The following WASHC4 variants were observed in gnomAD, a reference collection of about 807,000 sequenced individuals.
WASHC4 encodes WASH complex subunit 7.
In WASHC4, 86 loss-of-function variants were observed where a neutral mutation model predicts 166.6. The ratio of observed to expected loss-of-function variants is 0.52; its 90% CI spans 0.43 to 0.62. The LOEUF (loss-of-function observed/expected upper bound fraction) is 0.62, where lower values mean the gene tolerates loss of function less well. Among genes scored for constraint, WASHC4 ranks in the 20% least tolerant of loss-of-function variants. WASHC4 has a pLI of 0.00. For missense variants in WASHC4, 1,262 were observed against 1,382.4 expected (o/e 0.91, Z 1.38); for synonymous variants, 446 against 451.6 (o/e 0.99, Z 0.16).
At chr12:105,159,142 A>G (rs1243122618) in intron 28 of WASHC4, among the ~76,000 whole-genome samples, 3 of 152,244 alleles carry the variant, frequency 2.0e-5, no homozygotes, top group African/African-American at 7.2e-5. Context: ...CTCAAAGGAA[A>G]GGATCAGACC....
At chr12:105,119,878 A>G (rs1297945254) in intron 7 of WASHC4, among the ~76,000 whole-genome samples, 1 of 152,200 alleles carries the variant, frequency 6.6e-6, no homozygotes, top group Non-Finnish European at 1.5e-5. Context: ...AGTAGTATGC[A>G]CTGTTTTTCA....
chr12:105,115,880 A>T, intron 6 of WASHC4, 152 bp downstream of exon 6: 1 of 629,568 alleles, frequency 1.6e-6, no homozygotes, highest in Non-Finnish European at 2.9e-6. Context: ...TTAGGAGATC[A>T]TAACTCCTAA....
intron 13 of WASHC4, among the ~76,000 whole-genome samples, chr12:105,130,657 G>A (rs149659047): frequency 6.6e-6 from 1 of 152,184 alleles, no homozygotes; most frequent in Non-Finnish European, 1.5e-5. Context: ...AGGCTTCAGA[G>A]TTTATGTAAG....
At position 105,107,864 on chromosome 12, in the gene WASHC4, A is replaced by T; in HGVS notation, c.61+3A>T. 1 of 1,547,918 alleles carries T rather than the reference A, an allele frequency of 6.5e-7. No homozygotes were observed. The highest frequency in any genetic ancestry group is 8.7e-7 in the Non-Finnish European group (1 of 1,144,012). ...CCGCGTTGACGACGGCTCGCAGAGT[A>T]AGGGAGCTGCAGGGCGAGGGCTGCG... On this transcript the variant is annotated splice_donor_region_variant and intron_variant, in intron 1 of 32. Transcript: ENST00000332180.
intron 15 of WASHC4, 84 bp from the exon 16 acceptor site, chr12:105,140,210 T>C: frequency 1.0e-6 from 1 of 981,478 alleles, no homozygotes; most frequent in Non-Finnish European, 1.6e-6. Flanking sequence ...ATCCCTTCCC[T>C]AGCCTAAGGT....
chr12:105,127,340 C>T, intron 13 of WASHC4, 51 bp downstream of exon 13: 2 of 1,255,868 alleles, frequency 1.6e-6, no homozygotes, highest in East Asian at 2.4e-5. Context: ...CCTTTATTTT[C>T]AAAGATTATA....
intron 7 of WASHC4, 43 bp downstream of exon 7, chr12:105,118,571 CA>C: frequency 9.2e-7 from 1 of 1,092,842 alleles, no homozygotes; most frequent in South Asian, 1.2e-5. Flanking sequence ...AATAGAGATG[CA>C]GAAAATGTTC....
intron 20 of WASHC4, 60 bp from the exon 21 acceptor site, chr12:105,144,227 G>C: frequency 1.4e-6 from 2 of 1,396,600 alleles, no homozygotes; most frequent in Non-Finnish European, 2.0e-6. Context: ...GACATGTAGG[G>C]AAACAATACA....
intron 26 of WASHC4, chr12:105,155,029 A>C (rs546823998): frequency 1.5e-5 from 2 of 129,676 alleles, no homozygotes; most frequent in East Asian, 2.3e-4. Context: ...TGAAATGTTA[A>C]CTTGTTTTTA....
intron 13 of WASHC4, among the ~76,000 whole-genome samples, chr12:105,130,138 T>C (rs547484808): frequency 1.5e-4 from 23 of 152,352 alleles, no homozygotes; most frequent in African/African-American, 5.5e-4. Flanking sequence ...AGTTCAACTC[T>C]ACAGCCCAGG....
rs199754065 is a variant in WASHC4 at position 105,118,474 on chromosome 12, A to T, written c.464A>T (p.Tyr155Phe). 1 of 1,613,390 alleles carries T rather than the reference A, an allele frequency of 6.2e-7. No homozygotes were observed. Among genetic ancestry groups the T allele is most frequent in the South Asian group, 1.1e-5 (1 of 91,076 alleles). ...CTGTCTTGCTTTGTTACGAGGTGCTATGAAGTGGTGATGAACGTAGTCCAC... is the reference window on the plus strand; with the variant it reads ...CTGTCTTGCTTTGTTACGAGGTGCTTTGAAGTGGTGATGAACGTAGTCCAC... ...QELSCFVTRC[Y>F]EVVMNVVHQL... Residue 155 changes from tyrosine to phenylalanine, a missense_variant, in exon 7 of 33, where the codon TAT (tyrosine) becomes TTT (phenylalanine). By Grantham distance (22) the Tyr-to-Phe change is conservative. Coordinates refer to ENST00000332180, the MANE Select transcript of WASHC4 (RefSeq NM_015275.3).
chr12:105,143,132 G>A lies in WASHC4; in HGVS notation c.1899G>A (p.Met633Ile), dbSNP rs1294689119. 4 of 1,601,660 alleles carry A rather than the reference G, an allele frequency of 2.5e-6. No homozygotes were observed. The highest frequency in any genetic ancestry group is 3.4e-6 in the Non-Finnish European group (4 of 1,169,270). Residue 633 changes from methionine to isoleucine, a missense_variant, in exon 20 of 33, where the codon ATG becomes ATA. Coordinates refer to ENST00000332180, the MANE Select transcript of WASHC4 (RefSeq NM_015275.3). ...NAVDAARLHY[M>I]FSALRDCVPA... ...CATTTTAATTTTCTTCTTAGTACAT[G>A]TTCAGTGCTTTGCGCGACTGTGTAC...
At chr12:105,147,000 A>G (rs774359981) in intron 23 of WASHC4, 42 bp from the exon 24 acceptor site, 3 of 1,072,188 alleles carry the variant, frequency 2.8e-6, no homozygotes, top group African/African-American at 3.1e-5. Flanking sequence ...AGTGTTTGCT[A>G]TGGGTTGCGT....
Position 105,115,713 on chromosome 12 carries a change from T to C in WASHC4, c.420T>C (p.Phe140=). ...EGDCQIQMGR[F]ISFLQELSCF... ...ATTGCCAAATTCAAATGGGGAGATT[T>C]ATTTCATTCTTACAGGTAACTGATT... is the stretch of plus-strand genomic sequence containing the variant. The change falls in exon 6 of 33, where the codon TTT becomes TTC. Residue 140 remains phenylalanine, a synonymous_variant. Transcript: ENST00000332180. 1.9e-6 allele frequency: 3 copies of C among 1,606,142 alleles called. 1 individual carries two copies. The Admixed American group carries it at 5.0e-5, about 27-fold the overall frequency.
intron 25 of WASHC4, among the ~76,000 whole-genome samples, chr12:105,151,627 G>A (rs1883784054): frequency 6.6e-6 from 1 of 151,904 alleles, no homozygotes; most frequent in Admixed American, 6.6e-5. Context: ...GATTAAAGGT[G>A]CACACCACCA....
At chr12:105,120,627 CTG>C (rs769205496) in intron 8 of WASHC4, 30 bp downstream of exon 8, 40 of 1,493,704 alleles carry the variant, frequency 2.7e-5, no homozygotes, top group Non-Finnish European at 3.4e-5. Flanking sequence ...ACCTGTAAAA[CTG>C]TAATTATTAC....
chr12:105,144,641 T>C, intron 21 of WASHC4, 77 bp from the exon 22 acceptor site: 2 of 441,722 alleles, frequency 4.5e-6, no homozygotes, highest in Non-Finnish European at 6.7e-6. Flanking sequence ...CAAGGACAAG[T>C]TGTTGTTTTT....
At chr12:105,155,886 A>G in intron 26 of WASHC4, among the ~76,000 whole-genome samples, 1 of 152,124 alleles carries the variant, frequency 6.6e-6, no homozygotes, top group South Asian at 2.1e-4. Context: ...GTTTTTAAAA[A>G]TTCACTAGCA....
rs1003434251 is a variant in WASHC4, at chr12:105,168,950, C to T, written c.*2019C>T. The T allele has an allele frequency of 6.6e-6, 1 of 152,494 alleles. No homozygotes were observed. The highest frequency in any genetic ancestry group is 1.5e-5 in the Non-Finnish European group (1 of 67,964). The allele number at this position is 152,494 out of a possible 1,614,324, so 9.4% of individuals were successfully genotyped here. A position where few individuals can be genotyped will look rare whatever the true frequency, so the allele number is the denominator to read the frequency against. On this transcript the variant is annotated 3_prime_UTR_variant, in exon 33 of 33. Coordinates refer to ENST00000332180, the MANE Select transcript of WASHC4 (RefSeq NM_015275.3). ...AATGTGAGCGTTTGTTTTAAGTTCA[C>T]AGAAAACTTAATAATTCAAATTCTC... is the stretch of plus-strand genomic sequence containing the variant.
Sources: gnomAD v4.1 joint callset for allele counts (sites outside exome capture counted in the v4.1 genomes callset) on GRCh38, gnomAD v4.1.1 for gene constraint, MANE v1.5 for transcripts, NCBI Gene and HGNC (gene_info 2026-07-23, HGNC 2026-07-21) for gene names.